NBPF3: variants seen among roughly 807,000 people sequenced by gnomAD.
NBPF3 encodes NBPF family member NBPF3.
A neutral mutation model predicts 78.1 loss-of-function variants in NBPF3; 57 were observed. That is an observed-to-expected ratio of 0.73 (90% CI 0.59 to 0.91). The LOEUF (loss-of-function observed/expected upper bound fraction) is 0.91. Among genes scored for constraint, NBPF3 ranks in the 40% least tolerant of loss-of-function variants. The probability of loss-of-function intolerance (pLI) is 0.00; values close to 1 mark genes in which losing one functional copy is unlikely to be tolerated. For missense variants in NBPF3, 510 were observed against 715.3 expected, an observed-to-expected ratio of 0.71 and a Z score of 3.27; for synonymous variants, 182 against 271.7, an observed-to-expected ratio of 0.67 and a Z score of 3.25.
intron 3 of NBPF3, among the ~76,000 whole-genome samples, chr1:21,470,290 C>T (rs558162031): frequency 1.3e-5 from 2 of 152,288 alleles, no homozygotes; most frequent in African/African-American, 4.8e-5. Flanking sequence ...TACTTCATGC[C>T]CCAGTGCAGT....
Position 21,468,106 on chromosome 1 carries a change from A to C in NBPF3, c.134-582A>C, listed in dbSNP as rs7531520. 582 of 154,974 alleles carry C rather than the reference A, an allele frequency of 3.8e-3. 5 individuals carry two copies. The highest frequency in any genetic ancestry group is 0.013 in the African/African-American group (542 of 41,574). 9.6% of individuals were successfully genotyped at this position (154,974 alleles called of 1,614,324 possible). A position where few individuals can be genotyped will look rare whatever the true frequency, so the allele number is the denominator to read the frequency against. On this transcript the variant is annotated intron_variant, in intron 2 of 14. Transcript: ENST00000318249. ...CTTACACTTGTGGAAAAGCCTTAAG[A>C]TCTGTTTTAACTGAGAGCAGGTGGG...
At chr1:21,447,870 G>A (rs1351278981) in intron 2 of NBPF3, among the ~76,000 whole-genome samples, 1 of 152,076 alleles carries the variant, frequency 6.6e-6, no homozygotes, top group Non-Finnish European at 1.5e-5. Context: ...ATATCTCATT[G>A]TTGTTTTAAT....
At chr1:21,445,720 G>T (rs1423156648) in intron 2 of NBPF3, among the ~76,000 whole-genome samples, 1 of 152,136 alleles carries the variant, frequency 6.6e-6, no homozygotes, top group Non-Finnish European at 1.5e-5. Flanking sequence ...GGGAAACATG[G>T]CTCAGTTGCC....
chr1:21,474,977 TAATTC>T (rs749011804), intron 8 of NBPF3, 26 bp downstream of exon 8: 2 of 1,589,586 alleles, frequency 1.3e-6, no homozygotes, highest in Non-Finnish European at 1.7e-6. Context: ...TGTGGGCTGT[TAATTC>T]AATAGTGGCA....
rs1207322946 is a variant in NBPF3, at chr1:21,476,079, A to C, written c.992+1128A>C. Among the ~76,000 whole-genome samples the C allele has an allele frequency of 7.1e-6, 1 of 139,920 alleles. No individual in the cohort carries two copies. The highest frequency in any genetic ancestry group is 1.6e-5 in the Non-Finnish European group (1 of 64,134). 91.8% of individuals were successfully genotyped at this position (139,920 alleles called of 152,430 possible). ...CTTGGTTTAAAGTCTGTTTTATCAA[A>C]GACTAGGATTGCAACCCCTGCTTTT... On this transcript the variant is annotated intron_variant, in intron 8 of 14. Transcript: ENST00000318249. The surrounding 1 kb of genome is among the most constrained non-coding windows in gnomAD (Gnocchi z 4.1).
chr1:21,479,880 T>G (rs573835817), intron 10 of NBPF3, among the ~76,000 whole-genome samples, 171 bp from the exon 11 acceptor site: 1 of 127,466 alleles, frequency 7.8e-6, no homozygotes, highest in East Asian at 2.5e-4. Flanking sequence ...CTTTCATCCT[T>G]TTCTACCTGG....
In NBPF3 at chr1:21,484,271, G is replaced by A. The variant is rs908639597; in HGVS notation, c.*885G>A. On this transcript the variant is annotated 3_prime_UTR_variant, in exon 15 of 15. Coordinates refer to ENST00000318249, the MANE Select transcript of NBPF3 (RefSeq NM_032264.6). The stretch of plus-strand genomic sequence containing the variant: ...ACAAAAAGGAGGAGAGATATTTTGG[G>A]TTCAGAAGAAGTAAATGATAATGTA... 6.9e-6 allele frequency: 1 copy of A among 145,982 alleles called. No individual in the cohort carries two copies. Among genetic ancestry groups the A allele is most frequent in the African/African-American group, 2.5e-5 (1 of 39,430 alleles). 9.0% of individuals were successfully genotyped at this position (145,982 alleles called of 1,614,324 possible).
intron 1 of NBPF3, among the ~76,000 whole-genome samples, chr1:21,443,410 CTT>C (rs139325549): frequency 2.6e-5 from 4 of 152,106 alleles, no homozygotes; most frequent in African/African-American, 9.7e-5. Flanking sequence ...AGTTTTGACT[CTT>C]TTATTTATTT....
At chr1:21,457,368 G>GTATA (rs368844412) in intron 2 of NBPF3, among the ~76,000 whole-genome samples, 1 of 12,358 alleles carries the variant, frequency 8.1e-5, no homozygotes, top group Admixed American at 1.0e-3. Flanking sequence ...ATATATGTAT[G>GTATA]TATATATATG....
chr1:21,481,520 C>G (rs1041707556), intron 12 of NBPF3, 77 bp from the exon 13 acceptor site: 4 of 1,474,854 alleles, frequency 2.7e-6, no homozygotes, highest in East Asian at 4.6e-5. Flanking sequence ...CTTCCTAATG[C>G]TACCCATGAA....
At chr1:21,473,064 G>A (rs1447601305) in intron 6 of NBPF3, 149 bp downstream of exon 6, 6 of 727,160 alleles carry the variant, frequency 8.3e-6, no homozygotes, top group Non-Finnish European at 1.2e-5. Context: ...GACACAGGGT[G>A]TGGCAGCTGT....
At chr1:21,462,976 AGATAAAC>A (rs1308057175) in intron 2 of NBPF3, among the ~76,000 whole-genome samples, 3 of 143,370 alleles carry the variant, frequency 2.1e-5, no homozygotes, top group Non-Finnish European at 3.2e-5. Flanking sequence ...TTAAAATTGT[AGATAAAC>A]AACAATTGAC....
At chr1:21,481,387 CCT>C (rs1418924448) in intron 12 of NBPF3, among the ~76,000 whole-genome samples, 3 of 146,016 alleles carry the variant, frequency 2.1e-5, no homozygotes, top group Non-Finnish European at 4.5e-5. Context: ...TCTCTCTCTG[CCT>C]CTGTCTCTCT....
At position 21,473,665 on chromosome 1, in the gene NBPF3, G is replaced by T. The variant is rs1642734000; in HGVS notation, c.940+80G>T. 5.7e-6 allele frequency: 7 copies of T among 1,233,992 alleles called. No homozygotes were observed. The South Asian group carries it at 9.0e-5, about 16-fold the overall frequency. 76.4% of individuals were successfully genotyped at this position (1,233,992 alleles called of 1,614,324 possible). ...TCTGAAGACAGGCTCTATACACACAGATTGGTTTTAATAAAATCTATTATG... is the reference window on the plus strand; with the variant it reads ...TCTGAAGACAGGCTCTATACACACATATTGGTTTTAATAAAATCTATTATG... On this transcript the variant is annotated intron_variant, in intron 7 of 14. Coordinates refer to ENST00000318249, the MANE Select transcript of NBPF3 (RefSeq NM_032264.6).
At chr1:21,470,289 C>T (rs1220830555) in intron 3 of NBPF3, among the ~76,000 whole-genome samples, 2 of 152,228 alleles carry the variant, frequency 1.3e-5, no homozygotes, top group African/African-American at 4.8e-5. Context: ...CTACTTCATG[C>T]CCCAGTGCAG....
At chr1:21,454,942 G>A (rs1257572778) in intron 2 of NBPF3, among the ~76,000 whole-genome samples, 5 of 152,178 alleles carry the variant, frequency 3.3e-5, no homozygotes, top group African/African-American at 1.2e-4. Context: ...GTTTCTTTCT[G>A]GAGGTTCTGG....
chr1:21,470,868 A>G (rs1365953029), intron 4 of NBPF3, 134 bp downstream of exon 4: 1 of 563,654 alleles, frequency 1.8e-6, no homozygotes, highest in East Asian at 3.2e-5. Flanking sequence ...CTCACGACAC[A>G]CAAAGATTTA....
chr1:21,459,059 C>T (rs1029896314), intron 2 of NBPF3, among the ~76,000 whole-genome samples: 16 of 152,056 alleles, frequency 1.1e-4, no homozygotes, highest in Non-Finnish European at 1.2e-4. Flanking sequence ...GTACAAGGCC[C>T]GTAAAAGCAA....
At chr1:21,468,958 A>C in intron 3 of NBPF3, 61 bp downstream of exon 3, 2 of 1,281,696 alleles carry the variant, frequency 1.6e-6, no homozygotes, top group South Asian at 2.5e-5. Flanking sequence ...TCTCGCTGAG[A>C]AACTAAATGC....
Sources: allele counts gnomAD v4.1 joint callset (sites outside exome capture counted in the v4.1 genomes callset), GRCh38; gene constraint gnomAD v4.1.1; non-coding constraint Gnocchi (gnomAD v3.1); transcripts MANE v1.5; gene names NCBI Gene and HGNC (gene_info 2026-07-23, HGNC 2026-07-21).